UPK1B: variants seen among roughly 807,000 people sequenced by gnomAD.
The protein encoded by UPK1B is uroplakin 1B.
Under a neutral mutation model 34.2 loss-of-function variants are expected in UPK1B, and 28 were observed. The observed-to-expected ratio is 0.82, with a 90% CI of 0.61 to 1.12. The LOEUF (loss-of-function observed/expected upper bound fraction) is 1.12. Among genes scored for constraint, UPK1B ranks in the 50% most tolerant of loss-of-function variants. The pLI is 0.00. For missense variants in UPK1B, 325 were observed against 320.9 expected (o/e 1.01, Z -0.10); for synonymous variants, 81 against 110.4 (o/e 0.73, Z 1.67).
At chr3:119,185,800 G>T (rs2078015250) in intron 1 of UPK1B, among the ~76,000 whole-genome samples, 1 of 152,202 alleles carries the variant, frequency 6.6e-6, no homozygotes, top group African/African-American at 2.4e-5. Flanking sequence ...AAGTGCAGAA[G>T]CCCAAGTGAT....
chr3:119,203,910 A>T lies in UPK1B; in HGVS notation c.733-7A>T, dbSNP rs770179195. 1 of 1,613,836 alleles carries T rather than the reference A, an allele frequency of 6.2e-7. No homozygotes were observed. Among genetic ancestry groups the T allele is most frequent in the Non-Finnish European group, 8.5e-7 (1 of 1,179,866 alleles). ...TGTTTATTTTTCCTTGTTTTTTTCT[A>T]TTCCAGTTTTGGGTTCTCCTGGGTA... On this transcript the variant is annotated splice_polypyrimidine_tract_variant and splice_region_variant and intron_variant, in intron 7 of 7. Coordinates refer to ENST00000264234, the MANE Select transcript of UPK1B (RefSeq NM_006952.4).
In UPK1B at chr3:119,199,117, G is replaced by A. The variant is rs1364222947; in HGVS notation, c.709G>A (p.Gly237Arg). ...NRHAWGVAWF[G>R]FAILCWTFWV... Reference sequence around the variant, plus strand: ...ACACGCCTGGGGGGTTGCCTGGTTTGGATTTGCCATTCTCTGCTGGACTGT... The same window carrying A: ...ACACGCCTGGGGGGTTGCCTGGTTTAGATTTGCCATTCTCTGCTGGACTGT... Residue 237 changes from glycine to arginine, a missense_variant, in exon 7 of 8, where the codon GGA becomes AGA. Gly to Arg is a moderately radical substitution (Grantham distance 125, BLOSUM62 -2). Transcript: ENST00000264234. 1.2e-6 allele frequency: 2 copies of A among 1,613,994 alleles called. No homozygotes were observed. Among genetic ancestry groups the A allele is most frequent in the African/African-American group, 1.3e-5 (1 of 74,910 alleles).
chr3:119,194,502 A>T, intron 6 of UPK1B, 104 bp downstream of exon 6: 1 of 1,130,278 alleles, frequency 8.8e-7, no homozygotes, highest in Admixed American at 2.6e-5. Context: ...GGAATTCTAC[A>T]TTCTTTTCCC....
At chr3:119,187,326 C>T (rs540516489) in intron 2 of UPK1B, among the ~76,000 whole-genome samples, 39 of 152,280 alleles carry the variant, frequency 2.6e-4, no homozygotes, top group African/African-American at 8.7e-4. Context: ...ATGACTCTGG[C>T]CATCACCTTT....
chr3:119,190,187 G>T (rs772900872), intron 3 of UPK1B, 58 bp from the exon 4 acceptor site: 38 of 1,315,410 alleles, frequency 2.9e-5, no homozygotes, highest in Admixed American at 5.9e-5. Flanking sequence ...AATTATTTGG[G>T]CAAGTCGCTC....
intron 6 of UPK1B, among the ~76,000 whole-genome samples, chr3:119,194,634 C>A (rs1415194993): frequency 6.6e-6 from 1 of 152,086 alleles, no homozygotes; most frequent in Non-Finnish European, 1.5e-5. Flanking sequence ...ATAGCAGAAC[C>A]CAACTTTGTT....
intron 2 of UPK1B, 89 bp downstream of exon 2, chr3:119,186,899 T>C: frequency 7.4e-7 from 1 of 1,359,622 alleles, no homozygotes; most frequent in Non-Finnish European, 1.0e-6. Flanking sequence ...AGGAAAATAA[T>C]GCTGTGATTA....
At chr3:119,197,465 T>TTA (rs1367869646) in intron 6 of UPK1B, among the ~76,000 whole-genome samples, 1 of 152,068 alleles carries the variant, frequency 6.6e-6, no homozygotes, top group Non-Finnish European at 1.5e-5. Flanking sequence ...AAGTGGGCCC[T>TTA]TATATATATA....
chr3:119,201,884 T>A (rs1347734525), intron 7 of UPK1B, among the ~76,000 whole-genome samples: 3 of 152,158 alleles, frequency 2.0e-5, no homozygotes, highest in African/African-American at 4.8e-5. Flanking sequence ...GCTCAAGCAT[T>A]TGTTGAATGA....
chr3:119,191,165 C>T (rs2078042460), intron 5 of UPK1B, 61 bp downstream of exon 5: 4 of 1,577,380 alleles, frequency 2.5e-6, no homozygotes, highest in Admixed American at 1.7e-5. Context: ...GGGTGTCATA[C>T]ACATGACTCA....
intron 3 of UPK1B, among the ~76,000 whole-genome samples, chr3:119,189,129 A>C (rs887463524): frequency 6.6e-6 from 1 of 152,186 alleles, no homozygotes; most frequent in African/African-American, 2.4e-5. Context: ...AAAGGGGCTA[A>C]AGGAGGAAAC....
At chr3:119,184,596 G>T (rs895180317) in intron 1 of UPK1B, among the ~76,000 whole-genome samples, 3 of 151,484 alleles carry the variant, frequency 2.0e-5, no homozygotes, top group East Asian at 1.9e-4. Context: ...TGTGGCGGTG[G>T]GCACCTGTAG....
rs558196275 is a variant in UPK1B, at chr3:119,204,908, A to T, written c.*941A>T. 9.8e-5 allele frequency: 15 copies of T among 152,388 alleles called. No homozygotes were observed. The East Asian group carries it at 2.9e-3, about 29-fold the overall frequency. The allele number at this position is 152,388 out of a possible 1,614,324, so 9.4% of individuals were successfully genotyped here. The stretch of plus-strand genomic sequence containing the variant: ...CAAAAAAGCGTGGGGACTTCTGGGG[A>T]CAGACAAGGTGCCTGTTATATATTT... On this transcript the variant is annotated 3_prime_UTR_variant, in exon 8 of 8. Transcript: ENST00000264234.
intron 1 of UPK1B, among the ~76,000 whole-genome samples, chr3:119,184,498 T>C (rs2078007556): frequency 6.8e-6 from 1 of 147,676 alleles, no homozygotes; most frequent in African/African-American, 2.5e-5. Flanking sequence ...GGCAGGAAGA[T>C]CACAAGGTCA....
chr3:119,186,854 T>C, intron 2 of UPK1B, 44 bp downstream of exon 2: 1 of 1,582,480 alleles, frequency 6.3e-7, no homozygotes, highest in Non-Finnish European at 8.7e-7. Flanking sequence ...CTTCCTGTAA[T>C]CATAATTCTA....
intron 6 of UPK1B, among the ~76,000 whole-genome samples, chr3:119,197,524 T>C (rs1243590908): frequency 6.6e-6 from 1 of 151,976 alleles, no homozygotes; most frequent in Non-Finnish European, 1.5e-5. Flanking sequence ...GACCAAGGAG[T>C]AGCAGATATG....
At chr3:119,190,393 C>CTATGT (rs2078038726) in intron 4 of UPK1B, 74 bp downstream of exon 4, 1 of 1,156,900 alleles carries the variant, frequency 8.6e-7, no homozygotes, top group South Asian at 1.3e-5. Flanking sequence ...TAACCCCTTA[C>CTATGT]TATGTGCCCA....
chr3:119,199,273 C>T (rs2107438091), intron 7 of UPK1B, 133 bp downstream of exon 7: 1 of 965,316 alleles, frequency 1.0e-6, no homozygotes, highest in Non-Finnish European at 1.5e-6. Context: ...AGTCAGGAAA[C>T]TTCTGGCACC....
chr3:119,200,850 T>G (rs1328852331), intron 7 of UPK1B, among the ~76,000 whole-genome samples: 1 of 152,260 alleles, frequency 6.6e-6, no homozygotes, highest in Non-Finnish European at 1.5e-5. Context: ...GTAAAAGTGG[T>G]GTTTCCTTTT....
Sources: allele counts gnomAD v4.1 joint callset (sites outside exome capture counted in the v4.1 genomes callset), GRCh38; gene constraint gnomAD v4.1.1; transcripts MANE v1.5; gene names NCBI Gene and HGNC (gene_info 2026-07-23, HGNC 2026-07-21).